Variants in KRT77 observed in about 807,000 individuals in gnomAD.
KRT77 encodes keratin 77.
Under a neutral mutation model 51.5 loss-of-function variants are expected in KRT77, and 44 were observed. That is an observed-to-expected ratio of 0.85 (90% confidence interval 0.67 to 1.10). The LOEUF is 1.10. Ranked by LOEUF, KRT77 falls within the 50% of genes least tolerant of loss-of-function variation. The pLI, the probability that KRT77 is intolerant of heterozygous loss-of-function variation, is 0.00. For missense variants in KRT77, 763 were observed against 743.9 expected, an observed-to-expected ratio of 1.03 and a Z score of -0.30; for synonymous variants, 293 against 302.0, an observed-to-expected ratio of 0.97 and a Z score of 0.31.
At chr12:52,700,368 G>C (rs1592275024) in intron 1 of KRT77, among the ~76,000 whole-genome samples, 1 of 152,258 alleles carries the variant, frequency 6.6e-6, no homozygotes, top group South Asian at 2.1e-4. Flanking sequence ...AGTCACACAG[G>C]GCCGGGGCAT....
Position 52,691,961 on chromosome 12 carries a change from T to G in KRT77, c.1439A>C (p.Glu480Ala). ...ACAGATGCTCACATGGCTCTGCAGC[T>G]CTCCTGACATCCTGTAAAACCAAAG... ...LEGEESRMSG[E>A]LQSHVSISVQ... Residue 480 changes from glutamate (E) to alanine (A), a missense_variant, in exon 8 of 9, where the codon GAG becomes GCG. Coordinates refer to ENST00000341809, the MANE Select transcript of KRT77 (RefSeq NM_175078.3). The G allele has an allele frequency of 1.2e-6, 2 of 1,613,966 alleles. No individual in the cohort carries two copies.
intron 1 of KRT77, 73 bp downstream of exon 1, chr12:52,702,819 A>T: frequency 4.1e-6 from 6 of 1,455,848 alleles, no homozygotes; most frequent in South Asian, 1.2e-5. Context: ...ATGTGGTGAG[A>T]GGTGGTAAGG....
At position 52,694,731 on chromosome 12, in the gene KRT77, A is replaced by G. The variant is rs749566200; in HGVS notation, c.975T>C (p.Asn325=). Residue 325 remains asparagine (N), a synonymous_variant, in exon 5 of 9, where the codon AAT becomes AAC. Coordinates refer to ENST00000341809, the MANE Select transcript of KRT77 (RefSeq NM_175078.3). ...TGCTGTCCAGGTCCAGGGAACGGTT[A>G]TTGTCCATGGACAGGATGACGTTGG... ...SDTNVILSMD[N]NRSLDLDSII... 2.5e-6 allele frequency: 4 copies of G among 1,613,538 alleles called. No individual in the cohort carries two copies. The East Asian group carries it at 6.7e-5, about 27-fold the overall frequency.
In KRT77 at chr12:52,703,175, C is replaced by T. The variant is rs1326830490; in HGVS notation, c.260G>A (p.Gly87Glu). 1.2e-6 allele frequency: 2 copies of T among 1,609,012 alleles called. No homozygotes were observed. The highest frequency in any genetic ancestry group is 2.7e-5 in the African/African-American group (2 of 74,584). Residue 87 changes from glycine (G) to glutamate (E), a missense_variant, in exon 1 of 9, where the codon GGA (glycine) becomes GAA (glutamate). Transcript: ENST00000341809. ...RSTSGFCQGG[G>E]VGGFGGGRGF... Reference sequence around the variant, plus strand: ...TCTGCCCCCTCCAAATCCCCCTACTCCCCCACCCTGGCAGAAACCACTGGT... The same window carrying T: ...TCTGCCCCCTCCAAATCCCCCTACTTCCCCACCCTGGCAGAAACCACTGGT...
In KRT77 at chr12:52,696,397, G is replaced by T. The variant is rs757585360; in HGVS notation, c.792C>A (p.Ser264Arg). The T allele has an allele frequency of 6.2e-7, 1 of 1,614,112 alleles. No homozygotes were observed. Among genetic ancestry groups the T allele is most frequent in the Non-Finnish European group, 8.5e-7 (1 of 1,180,002 alleles). ...TCTTCAGGACGACAAAGTCATTCTC[G>T]CTGCCAGTCCTCTTGTTGATTTCAT... ...YEDEINKRTG[S>R]ENDFVVLKKD... Residue 264 changes from serine (S) to arginine (R), a missense_variant, in exon 3 of 9, where the codon AGC becomes AGA. Transcript: ENST00000341809.
Position 52,690,469 on chromosome 12 carries a change from G to T in KRT77, c.*696C>A. The T allele has an allele frequency of 6.4e-6, 1 of 155,538 alleles. No individual in the cohort carries two copies. The highest frequency in any genetic ancestry group is 1.4e-5 in the Non-Finnish European group (1 of 70,094). 9.6% of individuals were successfully genotyped at this position (155,538 alleles called of 1,614,324 possible). Reference sequence around the variant, plus strand: ...GTATGAGGCTATGGACCAAGAGGCAGGAATAGGCCGCTGGTGCAGAGGTTT... The same window carrying T: ...GTATGAGGCTATGGACCAAGAGGCATGAATAGGCCGCTGGTGCAGAGGTTT... On this transcript the variant is annotated 3_prime_UTR_variant, in exon 9 of 9. Coordinates refer to ENST00000341809, the MANE Select transcript of KRT77 (RefSeq NM_175078.3).
At chr12:52,693,787 G>T (rs1009281784) in intron 5 of KRT77, 15 of 151,008 alleles carry the variant, frequency 9.9e-5, no homozygotes, top group African/African-American at 3.6e-4. Flanking sequence ...AATGCGGCAG[G>T]TTATTTAGTG....
Position 52,703,085 on chromosome 12 carries a change from A to C in KRT77, c.350T>G (p.Phe117Cys). 5 of 1,613,690 alleles carry C rather than the reference A, an allele frequency of 3.1e-6. No individual in the cohort carries two copies. The highest frequency in any genetic ancestry group is 4.2e-6 in the Non-Finnish European group (5 of 1,179,858). ...CCCAAGCCCAAAATTGCTAGTCCCA[A>C]ATCCAGCACCCCCAAAACCACCTCC... ...FGGGGFGGAG[F>C]GTSNFGLGGF... Residue 117 changes from phenylalanine (F) to cysteine (C), a missense_variant, in exon 1 of 9, where the codon TTT becomes TGT. Coordinates refer to ENST00000341809, the MANE Select transcript of KRT77 (RefSeq NM_175078.3).
intron 1 of KRT77, 84 bp downstream of exon 1, chr12:52,702,808 G>C: frequency 1.5e-6 from 2 of 1,379,126 alleles, no homozygotes; most frequent in Non-Finnish European, 2.0e-6. Flanking sequence ...GAAACAGCAC[G>C]ATGTGGTGAG....
Position 52,703,514 on chromosome 12 carries a change from C to G in KRT77, c.-80G>C. On this transcript the variant is annotated 5_prime_UTR_variant, in exon 1 of 9. Coordinates refer to ENST00000341809, the MANE Select transcript of KRT77 (RefSeq NM_175078.3). ...GCAGAGACCAGAGAGGAAAGGAGCT[C>G]TGACTCCTTTGAAAAGATCTGGCTC... 1 of 1,253,304 alleles carries G rather than the reference C, an allele frequency of 8.0e-7. No individual in the cohort carries two copies. Among genetic ancestry groups the G allele is most frequent in the Non-Finnish European group, 1.1e-6 (1 of 909,948 alleles). The allele number at this position is 1,253,304 out of a possible 1,614,324, so 77.6% of individuals were successfully genotyped here.
intron 1 of KRT77, among the ~76,000 whole-genome samples, chr12:52,700,642 C>G (rs564158120): frequency 3.0e-4 from 45 of 152,300 alleles, no homozygotes; most frequent in Non-Finnish European, 5.9e-4. Context: ...CCAGGCCTCA[C>G]TCTGCTTACT....
chr12:52,694,805 G>C lies in KRT77; in HGVS notation c.916-15C>G. On this transcript the variant is annotated splice_polypyrimidine_tract_variant and intron_variant, in intron 4 of 8. Transcript: ENST00000341809. ...TGAGACAGCTCCTGCGAGGCATGGCGCACAGGCTGACTCCTTCCATTCTCC... is the reference window on the plus strand; with the variant it reads ...TGAGACAGCTCCTGCGAGGCATGGCCCACAGGCTGACTCCTTCCATTCTCC... 1 of 1,588,312 alleles carries C rather than the reference G, an allele frequency of 6.3e-7. No individual in the cohort carries two copies.
In KRT77 at chr12:52,696,384, CAA is replaced by C. The variant is rs1565653353; in HGVS notation, c.803_804del (p.Phe268CysfsTer58). On this transcript the variant is annotated frameshift_variant, in exon 3 of 9. Coordinates refer to ENST00000341809, the MANE Select transcript of KRT77 (RefSeq NM_175078.3). LOFTEE classifies it high-confidence loss of function. ...CTTTCCCTCACCTTCTTCAGGACGA[CAA>C]AGTCATTCTCGCTGCCAGTCCTCTT... ...INKRTGSEND[F>X]VVLKKDVDAA... 6.2e-7 allele frequency: 1 copy of C among 1,614,222 alleles called. No individual in the cohort carries two copies. The highest frequency in any genetic ancestry group is 8.5e-7 in the Non-Finnish European group (1 of 1,180,024).
At chr12:52,700,904 C>G (rs1241660679) in intron 1 of KRT77, among the ~76,000 whole-genome samples, 3 of 152,218 alleles carry the variant, frequency 2.0e-5, no homozygotes, top group African/African-American at 7.2e-5. Flanking sequence ...AGGGTGAAAG[C>G]AGGAAGACCA....
At chr12:52,694,865 A>C in intron 4 of KRT77, 75 bp from the exon 5 acceptor site, 1 of 1,335,470 alleles carries the variant, frequency 7.5e-7, no homozygotes, top group Non-Finnish European at 1.0e-6. Context: ...CTGCTCCCTC[A>C]AGGCTCTCGG....
rs767111463 is a variant in KRT77, at chr12:52,703,053, C to T, written c.382G>A (p.Gly128Ser). The change falls in exon 1 of 9, where the codon GGT becomes AGT. Residue 128 changes from glycine to serine, a missense_variant. Coordinates refer to ENST00000341809, the MANE Select transcript of KRT77 (RefSeq NM_175078.3). ...ATGCCCCCAGGAGGACAATAAGGAC[C>T]AAAGCCCCCAAGCCCAAAATTGCTA... ...GTSNFGLGGF[G>S]PYCPPGGIQE... is the part of the protein sequence containing the mutation. The T allele has an allele frequency of 6.2e-6, 10 of 1,613,820 alleles. No individual in the cohort carries two copies. The highest frequency in any genetic ancestry group is 4.4e-5 in the South Asian group (4 of 91,076).
At chr12:52,695,539 G>A (rs951711554) in intron 4 of KRT77, among the ~76,000 whole-genome samples, 4 of 152,226 alleles carry the variant, frequency 2.6e-5, no homozygotes, top group African/African-American at 9.6e-5. Flanking sequence ...GGACACATTC[G>A]CCTCCACCTA....
At position 52,691,170 on chromosome 12, in the gene KRT77, C is replaced by T. The variant is rs1005707702; in HGVS notation, c.1732G>A (p.Glu578Lys). 2 of 1,613,966 alleles carry T rather than the reference C, an allele frequency of 1.2e-6. No individual in the cohort carries two copies. The highest frequency in any genetic ancestry group is 2.2e-5 in the South Asian group (2 of 91,086). ...STNTSHRRIL[E>K] is the part of the protein sequence containing the mutation. ...GTGTGGCAGAAACGAGGCCTCTACT[C>T]CAAGATCCGCCTGTGGGAGGTGTTG... The change falls in exon 9 of 9, where the codon GAG (glutamate) becomes AAG (lysine). Residue 578 changes from glutamate (E) to lysine (K), a missense_variant. Glu to Lys is a moderately conservative substitution (Grantham distance 56). Coordinates refer to ENST00000341809, the MANE Select transcript of KRT77 (RefSeq NM_175078.3).
chr12:52,700,701 T>C (rs1338581032), intron 1 of KRT77, among the ~76,000 whole-genome samples: 1 of 152,160 alleles, frequency 6.6e-6, no homozygotes, highest in Non-Finnish European at 1.5e-5. Flanking sequence ...CAACGTGGCC[T>C]GATTCCACAA....
Sources: allele counts gnomAD v4.1 joint callset (sites outside exome capture counted in the v4.1 genomes callset), GRCh38; gene constraint gnomAD v4.1.1; transcripts MANE v1.5; gene names NCBI Gene and HGNC (gene_info 2026-07-23, HGNC 2026-07-21).